The following PTPRM variants were observed in gnomAD, a reference collection of about 807,000 sequenced individuals.
PTPRM encodes the protein protein tyrosine phosphatase receptor type M, also known as receptor-type tyrosine-protein phosphatase mu.
Under a neutral mutation model 186.7 loss-of-function variants are expected in PTPRM, and 47 were observed. The observed-to-expected ratio is 0.25, with a 90% CI of 0.20 to 0.32. PTPRM has a LOEUF of 0.32. Among genes scored for constraint, PTPRM ranks in the 10% least tolerant of loss-of-function variants. The pLI, the probability that PTPRM is intolerant of heterozygous loss-of-function variation, is 1.00. For synonymous variants in PTPRM, 668 were observed against 674.9 expected, an observed-to-expected ratio of 0.99 and a Z score of 0.16; for missense variants, 1,494 against 1,865.0, an observed-to-expected ratio of 0.80 and a Z score of 3.66.
intron 1 of PTPRM, among the ~76,000 whole-genome samples, chr18:7,579,102 C>T (rs1473718904): frequency 6.6e-6 from 1 of 152,106 alleles, no homozygotes; most frequent in African/African-American, 2.4e-5. Context: ...ATTTTATAAA[C>T]AGGGCCAACA....
At chr18:7,889,598 C>T (rs547137748) in intron 3 of PTPRM, among the ~76,000 whole-genome samples, 1 of 152,120 alleles carries the variant, frequency 6.6e-6, no homozygotes, top group African/African-American at 2.4e-5. Flanking sequence ...CCTAGCCTCC[C>T]AGAGTGCTAG....
intron 1 of PTPRM, among the ~76,000 whole-genome samples, chr18:7,621,700 G>A (rs1383888155): frequency 3.3e-5 from 5 of 152,178 alleles, no homozygotes; most frequent in African/African-American, 9.6e-5. Context: ...CCAGAATGTC[G>A]TATAGTTGGA....
chr18:8,371,004 A>G lies in PTPRM; in HGVS notation c.3169A>G (p.Lys1057Glu). 6.4e-7 allele frequency: 1 copy of G among 1,571,488 alleles called. No homozygotes were observed. Among genetic ancestry groups the G allele is most frequent in the East Asian group, 2.2e-5 (1 of 44,474 alleles). ...TGTGATAAGAACATTTGCTGTTGAA[A>G]AGGTAAGTTTTCATACTGCTTTTAA... ...EYVIRTFAVE[K>E]RGVHEIREIR... Residue 1057 changes from lysine (K) to glutamate (E), a missense_variant and splice_region_variant, in exon 24 of 33, where the codon AAG becomes GAG. Physicochemically the swap from Lys to Glu is moderately conservative, Grantham distance 56. Transcript: ENST00000580170.
chr18:8,181,860 G>GA (rs77191187), intron 14 of PTPRM, among the ~76,000 whole-genome samples: 31 of 81,930 alleles, frequency 3.8e-4, no homozygotes, highest in East Asian at 3.1e-3. Flanking sequence ...TTTAATACGT[G>GA]AAAAAAAAAA....
intron 11 of PTPRM, among the ~76,000 whole-genome samples, chr18:8,106,215 G>T (rs985360951): frequency 6.6e-6 from 1 of 152,200 alleles, no homozygotes. Flanking sequence ...GGCAGTATGT[G>T]AGGTAGGACC....
chr18:7,781,153 G>A (rs989860847), intron 2 of PTPRM, among the ~76,000 whole-genome samples: 3 of 152,146 alleles, frequency 2.0e-5, no homozygotes, highest in African/African-American at 7.2e-5. Context: ...TCAGCTAAAT[G>A]GGCAGCTTTT....
chr18:8,131,407 T>C (rs1017768552), intron 13 of PTPRM, among the ~76,000 whole-genome samples: 2 of 152,234 alleles, frequency 1.3e-5, no homozygotes, highest in Admixed American at 6.5e-5. Context: ...GTGTTGGTGA[T>C]GCTGATGAAT....
intron 19 of PTPRM, among the ~76,000 whole-genome samples, chr18:8,262,901 T>C (rs1414749146): frequency 2.0e-5 from 3 of 152,164 alleles, no homozygotes; most frequent in Non-Finnish European, 2.9e-5. Context: ...GGGGAAATGA[T>C]AGAGATGGAT....
intron 14 of PTPRM, among the ~76,000 whole-genome samples, chr18:8,202,521 A>G (rs1357288110): frequency 6.6e-6 from 1 of 152,104 alleles, no homozygotes; most frequent in Non-Finnish European, 1.5e-5. Context: ...AGAGGGGAGA[A>G]AGATTAAGAT....
At chr18:7,785,796 C>T (rs577668032) in intron 2 of PTPRM, among the ~76,000 whole-genome samples, 1 of 152,138 alleles carries the variant, frequency 6.6e-6, no homozygotes, top group East Asian at 1.9e-4. Flanking sequence ...TATGTAATAC[C>T]GATTTGGAGC....
At chr18:8,279,548 G>A (rs976797937) in intron 19 of PTPRM, among the ~76,000 whole-genome samples, 1 of 152,156 alleles carries the variant, frequency 6.6e-6, no homozygotes, top group Admixed American at 6.5e-5. Flanking sequence ...CTCCAGCAGT[G>A]GGGTGGAGCT....
At chr18:8,006,253 T>C (rs909977509) in intron 7 of PTPRM, among the ~76,000 whole-genome samples, 2 of 152,232 alleles carry the variant, frequency 1.3e-5, no homozygotes, top group African/African-American at 2.4e-5. Flanking sequence ...ATAAATACTT[T>C]GAAGACATCT....
intron 1 of PTPRM, among the ~76,000 whole-genome samples, chr18:7,733,249 C>G (rs1016145046): frequency 6.6e-6 from 1 of 152,014 alleles, no homozygotes; most frequent in Admixed American, 6.6e-5. Flanking sequence ...CCCCCACCCT[C>G]CAACAGGCCC....
intron 19 of PTPRM, among the ~76,000 whole-genome samples, chr18:8,295,885 A>G (rs1482605188): frequency 6.6e-6 from 1 of 152,236 alleles, no homozygotes; most frequent in Non-Finnish European, 1.5e-5. Flanking sequence ...AGTTTATTAC[A>G]GGATTTTAGC....
intron 9 of PTPRM, among the ~76,000 whole-genome samples, chr18:8,078,528 A>G (rs1026797641): frequency 6.6e-6 from 1 of 152,212 alleles, no homozygotes. Context: ...AAGTTTAGTA[A>G]CCAATGACAC....
At chr18:8,324,786 A>T (rs2095365653) in intron 22 of PTPRM, among the ~76,000 whole-genome samples, 2 of 152,228 alleles carry the variant, frequency 1.3e-5, no homozygotes, top group Non-Finnish European at 2.9e-5. Flanking sequence ...ATATGCTCCA[A>T]GTCACAGACC....
At position 7,730,479 on chromosome 18, in the gene PTPRM, A is replaced by G. The variant is rs142875485; in HGVS notation, c.74-43670A>G. Among the ~76,000 whole-genome samples, 566 of 152,274 alleles carry G rather than the reference A, an allele frequency of 3.7e-3. 6 individuals carry two copies. Among genetic ancestry groups the G allele is most frequent in the African/African-American group, 0.013 (552 of 41,544 alleles). On this transcript the variant is annotated intron_variant, in intron 1 of 32. Coordinates refer to ENST00000580170, the MANE Select transcript of PTPRM (RefSeq NM_001105244.2). ...AAAGCACACATAATTAGAAACATAAATGCACTGAATACACTTAGCACTCAA... is the reference window on the plus strand; with the variant it reads ...AAAGCACACATAATTAGAAACATAAGTGCACTGAATACACTTAGCACTCAA...
At chr18:8,023,679 C>G (rs1356130362) in intron 7 of PTPRM, among the ~76,000 whole-genome samples, 1 of 151,946 alleles carries the variant, frequency 6.6e-6, no homozygotes, top group Non-Finnish European at 1.5e-5. Context: ...CAGTTTTAGG[C>G]AATTTTTGAG....
At chr18:7,648,613 C>T (rs1445924579) in intron 1 of PTPRM, among the ~76,000 whole-genome samples, 1 of 152,134 alleles carries the variant, frequency 6.6e-6, no homozygotes, top group Non-Finnish European at 1.5e-5. Context: ...TTTGAGTGGT[C>T]TGAATAGAAG....
Sources: allele counts gnomAD v4.1 joint callset (sites outside exome capture counted in the v4.1 genomes callset), GRCh38; gene constraint gnomAD v4.1.1; transcripts MANE v1.5; gene names NCBI Gene and HGNC (gene_info 2026-07-23, HGNC 2026-07-21).